Variants in PCDHGA7 observed in about 807,000 individuals in gnomAD.
PCDHGA7 encodes protocadherin gamma-A7.
In PCDHGA7, 44 loss-of-function variants were observed where a neutral mutation model predicts 58.3. The ratio of observed to expected loss-of-function variants is 0.75; its 90% CI spans 0.59 to 0.97. The LOEUF (loss-of-function observed/expected upper bound fraction) is 0.97, where lower values mean the gene tolerates loss of function less well. PCDHGA7 is among the 50% of genes least tolerant of loss of function. The pLI is 0.00. For synonymous variants in PCDHGA7, 516 were observed against 504.2 expected (o/e 1.02, Z -0.31); for missense variants, 1,266 against 1,188.7 (o/e 1.06, Z -0.96).
Position 141,487,315 on chromosome 5 carries a change from G to C in PCDHGA7, c.2425-7492G>C, listed in dbSNP as rs568326280. On this transcript the variant is annotated intron_variant, in intron 1 of 3. Transcript: ENST00000518325. The surrounding 1 kb of genome is among the most constrained non-coding windows in gnomAD (Gnocchi z 5.0). ...GCTCATTCGTGGCACTACTCTCTAA[G>C]TGTCTTCGTGGGGCAGCCTGTGGAG... 6.2e-7 allele frequency: 1 copy of C among 1,614,166 alleles called. No individual in the cohort carries two copies. Among genetic ancestry groups the C allele is most frequent in the Admixed American group, 1.7e-5 (1 of 60,028 alleles).
rs372676262 is a variant in PCDHGA7 at position 141,404,832 on chromosome 5, G to A, written c.2424+19509G>A. On this transcript the variant is annotated intron_variant, in intron 1 of 3. Coordinates refer to ENST00000518325, the MANE Select transcript of PCDHGA7 (RefSeq NM_018920.4). ...GTGGGGCTGCACACAGGTGAAGTGCGCACAGCTCGGGCCCTGCTAGATAGA... is the reference window on the plus strand; with the variant it reads ...GTGGGGCTGCACACAGGTGAAGTGCACACAGCTCGGGCCCTGCTAGATAGA... 34 of 1,613,864 alleles carry A rather than the reference G, an allele frequency of 2.1e-5. No individual in the cohort carries two copies. Among genetic ancestry groups the A allele is most frequent in the Middle Eastern group, 1.6e-4 (1 of 6,062 alleles).
intron 3 of PCDHGA7, 48 bp downstream of exon 3, chr5:141,505,529 T>C (rs1479433990): frequency 1.9e-6 from 3 of 1,612,066 alleles, no homozygotes; most frequent in Non-Finnish European, 2.5e-6. Context: ...CCTGGGGTTC[T>C]GGGGTGCATC....
chr5:141,409,802 G>A (rs2095317294), intron 1 of PCDHGA7: 10 of 1,611,810 alleles, frequency 6.2e-6, no homozygotes, highest in Non-Finnish European at 7.6e-6. Context: ...CACGCTGCAG[G>A]CCCGCGACCA....
chr5:141,383,360 T>C lies in PCDHGA7; in HGVS notation c.461T>C (p.Leu154Ser), dbSNP rs1319923403. Residue 154 changes from leucine (L) to serine (S), a missense_variant, in exon 1 of 4, where the codon TTA becomes TCA. Physicochemically the swap from Leu to Ser is moderately radical, Grantham distance 145. Transcript: ENST00000518325. ...ENTAPGVRFPLSEAGDPDVGT... is the reference protein window; with the variant it reads ...ENTAPGVRFPSSEAGDPDVGT... ...ACAGCTCCTGGGGTTCGGTTTCCGT[T>C]AAGCGAGGCTGGGGATCCAGATGTG... 6.2e-7 allele frequency: 1 copy of C among 1,614,006 alleles called. No homozygotes were observed. Among genetic ancestry groups the C allele is most frequent in the Admixed American group, 1.7e-5 (1 of 60,026 alleles).
intron 1 of PCDHGA7, chr5:141,399,248 A>G (rs2150780633): frequency 6.2e-7 from 1 of 1,613,870 alleles, no homozygotes; most frequent in South Asian, 1.1e-5. Context: ...GATTCTGGGG[A>G]AAATGGGGAG....
intron 1 of PCDHGA7, chr5:141,398,979 C>T (rs769465343): frequency 1.9e-6 from 3 of 1,613,778 alleles, no homozygotes; most frequent in African/African-American, 1.3e-5. Context: ...TCTACAGAAC[C>T]GGGCAAATCT....
chr5:141,388,520 G>T, intron 1 of PCDHGA7: 1 of 1,613,822 alleles, frequency 6.2e-7, no homozygotes, highest in Admixed American at 1.7e-5. Flanking sequence ...ACTTGACTTT[G>T]ACTGCCTTGG....
At chr5:141,404,947 T>G (rs561446437) in intron 1 of PCDHGA7, 9 of 1,613,826 alleles carry the variant, frequency 5.6e-6, no homozygotes, top group Non-Finnish European at 7.6e-6. Flanking sequence ...TAGCCATAGC[T>G]GACAGCATCC....
At position 141,394,528 on chromosome 5, in the gene PCDHGA7, C is replaced by T. The variant is rs1465272752; in HGVS notation, c.2424+9205C>T. Reference sequence around the variant, plus strand: ...TACCCCGCCCTCCCCACAGACGGTTCCACTGGCGTGGAGCTGGCGCCCCGC... The same window carrying T: ...TACCCCGCCCTCCCCACAGACGGTTTCACTGGCGTGGAGCTGGCGCCCCGC... On this transcript the variant is annotated intron_variant, in intron 1 of 3. Transcript: ENST00000518325. 3 of 1,614,096 alleles carry T rather than the reference C, an allele frequency of 1.9e-6. No individual in the cohort carries two copies. The highest frequency in any genetic ancestry group is 2.5e-6 in the Non-Finnish European group (3 of 1,180,058).
intron 1 of PCDHGA7, chr5:141,418,005 A>G: frequency 6.2e-7 from 1 of 1,613,764 alleles, no homozygotes. Flanking sequence ...GTGGTGGGGA[A>G]CCTCGCTAAG....
intron 1 of PCDHGA7, among the ~76,000 whole-genome samples, chr5:141,458,351 T>A (rs903399511): frequency 2.0e-5 from 3 of 152,010 alleles, no homozygotes; most frequent in African/African-American, 7.3e-5. Flanking sequence ...GAGAGTTTAA[T>A]AAGCAAGAAG....
At position 141,384,969 on chromosome 5, in the gene PCDHGA7, G is replaced by C. The variant is rs996601457; in HGVS notation, c.2070G>C (p.Thr690=). ...ACGGTCCTTACAACTATGACCTCAC[G>C]TTGTACCTGGTGGTGGCGGTGGCCA... is the stretch of plus-strand genomic sequence containing the variant. ...PSDGPYNYDL[T]LYLVVAVATV... Residue 690 remains threonine, a synonymous_variant, in exon 1 of 4, where the codon ACG becomes ACC. Transcript: ENST00000518325. 1 of 1,614,014 alleles carries C rather than the reference G, an allele frequency of 6.2e-7. No individual in the cohort carries two copies. The highest frequency in any genetic ancestry group is 1.7e-5 in the Admixed American group (1 of 60,002).
intron 2 of PCDHGA7, among the ~76,000 whole-genome samples, chr5:141,502,337 T>C (rs1562205634): frequency 6.6e-6 from 1 of 152,184 alleles, no homozygotes; most frequent in Admixed American, 6.5e-5. Flanking sequence ...CCCAGTCTTT[T>C]TATTTTTTTA....
At position 141,487,565 on chromosome 5, in the gene PCDHGA7, G is replaced by A. The variant is rs1473034794; in HGVS notation, c.2425-7242G>A. ...GTCACCCAGTGCACCTATGGCAGGGGAGCCTGTTCGCCCAAGCTGCCCACC... is the reference window on the plus strand; with the variant it reads ...GTCACCCAGTGCACCTATGGCAGGGAAGCCTGTTCGCCCAAGCTGCCCACC... On this transcript the variant is annotated intron_variant, in intron 1 of 3. Transcript: ENST00000518325. This position sits in a 1 kb window ranked among gnomAD's most constrained non-coding sequence, Gnocchi z 5.0. The A allele has an allele frequency of 6.2e-7, 1 of 1,614,164 alleles. No individual in the cohort carries two copies. Among genetic ancestry groups the A allele is most frequent in the East Asian group, 2.2e-5 (1 of 44,856 alleles).
At chr5:141,459,149 T>C (rs2098961903) in intron 1 of PCDHGA7, among the ~76,000 whole-genome samples, 1 of 152,234 alleles carries the variant, frequency 6.6e-6, no homozygotes, top group Non-Finnish European at 1.5e-5. Context: ...AATCAAAATA[T>C]AGAACATTTC....
intron 1 of PCDHGA7, chr5:141,416,335 C>A (rs573998059): frequency 6.6e-6 from 1 of 152,256 alleles, no homozygotes; most frequent in Non-Finnish European, 1.5e-5. Flanking sequence ...ACTTTCATTG[C>A]TCAATAGGGA....
rs1207647899 is a variant in PCDHGA7, at chr5:141,491,938, C to T, written c.2425-2869C>T. The T allele has an allele frequency of 1.6e-5, 19 of 1,199,190 alleles. No homozygotes were observed. Among genetic ancestry groups the T allele is most frequent in the Non-Finnish European group, 2.1e-5 (18 of 875,372 alleles). 74.3% of individuals were successfully genotyped at this position (1,199,190 alleles called of 1,614,324 possible). ...TGTGGGCGAGGGGAGGTGGGACCGA[C>T]CCCCACCCCTACACTCAAAAAAGGC... is the stretch of plus-strand genomic sequence containing the variant. On this transcript the variant is annotated intron_variant, in intron 1 of 3. Coordinates refer to ENST00000518325, the MANE Select transcript of PCDHGA7 (RefSeq NM_018920.4). This position sits in a 1 kb window ranked among gnomAD's most constrained non-coding sequence, Gnocchi z 6.9.
At chr5:141,427,401 G>A (rs2097022075) in intron 1 of PCDHGA7, 1 of 461,400 alleles carries the variant, frequency 2.2e-6, no homozygotes, top group Non-Finnish European at 4.3e-6. Flanking sequence ...ACATGATAAA[G>A]ATTCGAGAGA....
intron 1 of PCDHGA7, chr5:141,420,969 A>G (rs2096536141): frequency 2.3e-6 from 1 of 443,064 alleles, no homozygotes; most frequent in Admixed American, 4.0e-5. Flanking sequence ...TTGCAATAAT[A>G]AGAATGGGCT....
Sources: allele counts gnomAD v4.1 joint callset (sites outside exome capture counted in the v4.1 genomes callset), GRCh38; gene constraint gnomAD v4.1.1; non-coding constraint Gnocchi (gnomAD v3.1); transcripts MANE v1.5; gene names NCBI Gene and HGNC (gene_info 2026-07-23, HGNC 2026-07-21).